Variants in CPNE4 observed in about 807,000 individuals in gnomAD.
CPNE4 encodes copine-4.
CPNE4 carries 25 observed loss-of-function variants against 67.9 expected under a neutral mutation model. The ratio of observed to expected loss-of-function variants is 0.37; its 90% CI spans 0.27 to 0.51. The LOEUF (loss-of-function observed/expected upper bound fraction) is 0.51. CPNE4 is among the 20% of genes least tolerant of loss of function. The probability of loss-of-function intolerance (pLI) is 0.93; values close to 1 mark genes in which losing one functional copy is unlikely to be tolerated. For synonymous variants in CPNE4, 242 were observed against 244.9 expected, an observed-to-expected ratio of 0.99 and a Z score of 0.11; for missense variants, 464 against 690.8, an observed-to-expected ratio of 0.67 and a Z score of 3.68.
chr3:131,679,804 A>T (rs2080692292), intron 6 of CPNE4, among the ~76,000 whole-genome samples: 1 of 152,066 alleles, frequency 6.6e-6, no homozygotes, highest in Non-Finnish European at 1.5e-5. Context: ...TGTTTTTATG[A>T]TTTCAGTGCT....
rs116004837 is a variant in CPNE4 at position 131,894,442 on chromosome 3, A to G, written c.180+10822T>C. On this transcript the variant is annotated intron_variant, in intron 2 of 15. Coordinates refer to ENST00000429747, the MANE Select transcript of CPNE4 (RefSeq NM_130808.3). ...TTAACAGAGTAAAGAGACAACTTAC[A>G]GAATGGGGTAAAATATTTGCAAACC... is the stretch of plus-strand genomic sequence containing the variant. Among the ~76,000 whole-genome samples the G allele has an allele frequency of 7.8e-3, 1,189 of 152,132 alleles. 8 individuals carry two copies. The highest frequency in any genetic ancestry group is 0.027 in the African/African-American group (1,142 of 41,564).
chr3:131,907,900 G>A (rs1406247229), intron 1 of CPNE4, among the ~76,000 whole-genome samples: 1 of 152,112 alleles, frequency 6.6e-6, no homozygotes, highest in Non-Finnish European at 1.5e-5. Flanking sequence ...GTTTTAGGAT[G>A]AGAACTGCTC....
At chr3:131,742,297 G>A (rs371069235) in intron 2 of CPNE4, among the ~76,000 whole-genome samples, 8 of 152,184 alleles carry the variant, frequency 5.3e-5, no homozygotes, top group South Asian at 2.1e-4. Flanking sequence ...CTGGGACACC[G>A]GTCTTCTCCT....
chr3:131,551,203 G>T (rs550224263), intron 13 of CPNE4, among the ~76,000 whole-genome samples: 2 of 152,018 alleles, frequency 1.3e-5, no homozygotes, highest in Non-Finnish European at 2.9e-5. Context: ...GTTCTGTTCT[G>T]CCCTTACATA....
intron 1 of CPNE4, among the ~76,000 whole-genome samples, chr3:131,997,663 T>G (rs1182698704): frequency 1.3e-5 from 2 of 152,152 alleles, no homozygotes; most frequent in Non-Finnish European, 2.9e-5. Flanking sequence ...AACCAGAGCT[T>G]CTTTTATTAG....
intron 1 of CPNE4, among the ~76,000 whole-genome samples, chr3:131,920,444 T>C (rs910766733): frequency 2.0e-5 from 3 of 152,116 alleles, no homozygotes; most frequent in Non-Finnish European, 4.4e-5. Context: ...GCTATAGCTA[T>C]TAGTTTACAT....
chr3:131,793,490 A>G (rs1395400098), intron 2 of CPNE4, among the ~76,000 whole-genome samples: 1 of 152,194 alleles, frequency 6.6e-6, no homozygotes, highest in Non-Finnish European at 1.5e-5. Context: ...ACAACAACCA[A>G]AAATCCCAAA....
At chr3:131,864,405 T>C (rs184027864) in intron 2 of CPNE4, among the ~76,000 whole-genome samples, 43 of 152,360 alleles carry the variant, frequency 2.8e-4, no homozygotes, top group Non-Finnish European at 4.7e-4. Context: ...GTAGTTCTCC[T>C]TGAAGAGGTC....
intron 2 of CPNE4, among the ~76,000 whole-genome samples, chr3:131,892,905 A>G (rs1331322257): frequency 6.6e-6 from 1 of 152,096 alleles, no homozygotes; most frequent in Non-Finnish European, 1.5e-5. Context: ...ACAATGACAG[A>G]GAAAGGAAGG....
At chr3:132,018,056 C>CA (rs1463881029) in intron 1 of CPNE4, among the ~76,000 whole-genome samples, 1 of 152,180 alleles carries the variant, frequency 6.6e-6, no homozygotes, top group Non-Finnish European at 1.5e-5. Context: ...GGCAAATGTA[C>CA]AACTCTTTGT....
At chr3:131,743,216 A>G (rs2082398041) in intron 2 of CPNE4, among the ~76,000 whole-genome samples, 1 of 152,196 alleles carries the variant, frequency 6.6e-6, no homozygotes, top group South Asian at 2.1e-4. Flanking sequence ...AATGACTCAA[A>G]GTTATCTAAC....
intron 2 of CPNE4, among the ~76,000 whole-genome samples, chr3:131,774,190 A>G (rs1388526813): frequency 6.6e-6 from 1 of 152,112 alleles, no homozygotes. Context: ...CTACCCAGAG[A>G]TGAACCATGA....
chr3:132,027,988 T>G (rs2074151799), intron 1 of CPNE4, among the ~76,000 whole-genome samples: 1 of 152,244 alleles, frequency 6.6e-6, no homozygotes, highest in Admixed American at 6.5e-5. Flanking sequence ...TTGGTTATAT[T>G]TCTATTACAT....
At chr3:131,814,432 A>AT (rs1243386526) in intron 2 of CPNE4, among the ~76,000 whole-genome samples, 1 of 152,070 alleles carries the variant, frequency 6.6e-6, no homozygotes, top group Admixed American at 6.6e-5. Flanking sequence ...CCTGCCAATC[A>AT]TAAGGGCCCA....
intron 7 of CPNE4, among the ~76,000 whole-genome samples, chr3:131,661,023 G>C (rs1560069457): frequency 6.6e-6 from 1 of 152,186 alleles, no homozygotes; most frequent in East Asian, 1.9e-4. Flanking sequence ...TGAGTTACTG[G>C]ATTACTTCAT....
intron 1 of CPNE4, among the ~76,000 whole-genome samples, chr3:131,980,277 C>A: frequency 6.6e-6 from 1 of 152,074 alleles, no homozygotes; most frequent in East Asian, 1.9e-4. Context: ...TCTATTAGTC[C>A]CCCAAATATG....
chr3:131,690,512 T>TACA (rs1404200492), intron 5 of CPNE4, among the ~76,000 whole-genome samples: 1 of 152,206 alleles, frequency 6.6e-6, no homozygotes, highest in Non-Finnish European at 1.5e-5. Flanking sequence ...ACTTGACCCT[T>TACA]ACATTTCACC....
At chr3:131,967,256 C>G (rs1360922386) in intron 1 of CPNE4, among the ~76,000 whole-genome samples, 2 of 152,210 alleles carry the variant, frequency 1.3e-5, no homozygotes, top group African/African-American at 4.8e-5. Flanking sequence ...GACAAGCCCA[C>G]AGCCAATATC....
chr3:131,802,192 A>G (rs2107915747), intron 2 of CPNE4, among the ~76,000 whole-genome samples: 1 of 152,240 alleles, frequency 6.6e-6, no homozygotes, highest in Middle Eastern at 3.4e-3. Context: ...AATATGGGAG[A>G]GAACAGGGAA....
Sources: gnomAD v4.1 joint callset for allele counts (sites outside exome capture counted in the v4.1 genomes callset) on GRCh38, gnomAD v4.1.1 for gene constraint, MANE v1.5 for transcripts, NCBI Gene and HGNC (gene_info 2026-07-23, HGNC 2026-07-21) for gene names.